The following DCLRE1B variants were observed in gnomAD, a reference collection of about 807,000 sequenced individuals.
DCLRE1B encodes the protein 5' exonuclease Apollo.
In DCLRE1B, 6 loss-of-function variants were observed where a neutral mutation model predicts 19.8. That is an observed-to-expected ratio of 0.30 (90% CI 0.17 to 0.60). The LOEUF is 0.60. Ranked by LOEUF, DCLRE1B falls within the 20% of genes least tolerant of loss-of-function variation. The pLI is 0.87. For missense variants in DCLRE1B, 622 were observed against 654.2 expected, an observed-to-expected ratio of 0.95 and a Z score of 0.54; for synonymous variants, 258 against 255.7, an observed-to-expected ratio of 1.01 and a Z score of -0.09.
rs1669246176 is a variant in DCLRE1B, at chr1:113,911,366, C to T, written c.774C>T (p.Ser258=). ...THPTIAILPT[S]RKIHSSHPDI... ...CTACGATTGCTATCCTTCCCACAAG[C>T]CGAAAAATCCACAGCTCCCACCCTG... The change falls in exon 4 of 4, where the codon AGC becomes AGT. Residue 258 remains serine (S), a synonymous_variant. Transcript: ENST00000650450. 1.2e-6 allele frequency: 2 copies of T among 1,614,024 alleles called. No homozygotes were observed. The highest frequency in any genetic ancestry group is 2.7e-5 in the African/African-American group (2 of 74,900).
intron 1 of DCLRE1B, among the ~76,000 whole-genome samples, chr1:113,906,350 GC>G (rs1344582312): frequency 6.6e-6 from 1 of 151,660 alleles, no homozygotes; most frequent in African/African-American, 2.4e-5. Flanking sequence ...GAGCCACCAC[GC>G]CCCGCCTAAA....
At chr1:113,908,571 A>G (rs1669130461) in intron 3 of DCLRE1B, among the ~76,000 whole-genome samples, 2 of 152,178 alleles carry the variant, frequency 1.3e-5, no homozygotes, top group Non-Finnish European at 2.9e-5. Context: ...TGTAAGTGCC[A>G]TTGCACTCCA....
intron 2 of DCLRE1B, 41 bp downstream of exon 2, chr1:113,907,202 ATGTTTTTTTTTT>A: frequency 4.9e-6 from 1 of 203,224 alleles, no homozygotes; most frequent in Non-Finnish European, 7.6e-6. Flanking sequence ...TCCAGACTAG[ATGTTTTTTTTTT>A]TTTTTTTTTT....
upstream of DCLRE1B, chr1:113,904,869 G>C (rs1462833349): frequency 1.4e-6 from 1 of 715,230 alleles, no homozygotes; most frequent in Non-Finnish European, 2.5e-6. Context: ...CGTAGGGCCG[G>C]CACGCTGGCC....
At chr1:113,908,423 C>G (rs1489016431) in intron 3 of DCLRE1B, among the ~76,000 whole-genome samples, 1 of 152,312 alleles carries the variant, frequency 6.6e-6, no homozygotes, top group East Asian at 1.9e-4. Flanking sequence ...GCTTGGGCAA[C>G]ATGGCAAGAC....
At position 113,911,219 on chromosome 1, in the gene DCLRE1B, G is replaced by T. The variant is rs574517415; in HGVS notation, c.627G>T (p.Glu209Asp). The change falls in exon 4 of 4, where the codon GAG (glutamate) becomes GAT (aspartate). Residue 209 changes from glutamate (E) to aspartate (D), a missense_variant. Physicochemically the swap from Glu to Asp is conservative, Grantham distance 45. This residue lies in a region of DCLRE1B where 382 missense variants were observed against 412.5 expected (regional missense o/e 0.93). Transcript: ENST00000650450. ...TWVVLSPRRL[E>D]LVQLLGLADV... ...TGGTATTGAGTCCTCGGCGCCTGGA[G>T]TTGGTACAGCTACTGGGCCTGGCAG... 6.2e-7 allele frequency: 1 copy of T among 1,614,204 alleles called. No individual in the cohort carries two copies. The highest frequency in any genetic ancestry group is 1.7e-5 in the Admixed American group (1 of 60,026).
chr1:113,908,295 A>G lies in DCLRE1B; in HGVS notation c.538+104A>G, dbSNP rs544132795. On this transcript the variant is annotated intron_variant, in intron 3 of 3. Coordinates refer to ENST00000650450, the MANE Select transcript of DCLRE1B (RefSeq NM_022836.4). ...CTTTGTGCAGTTCTCACTTTCTCCT[A>G]CACTGACCACCTTATTTAAAATTGC... The G allele has an allele frequency of 2.8e-6, 4 of 1,430,076 alleles. No individual in the cohort carries two copies. The African/African-American group carries it at 5.7e-5, about 20-fold the overall frequency. The allele number at this position is 1,430,076 out of a possible 1,614,324, so 88.6% of individuals were successfully genotyped here.
upstream of DCLRE1B, chr1:113,904,810 T>C (rs1381012932): frequency 3.7e-6 from 4 of 1,091,748 alleles, no homozygotes; most frequent in African/African-American, 4.6e-5. Context: ...AAAGGAAATA[T>C]GAGTCAGTGA....
rs920275152 is a variant in DCLRE1B at position 113,914,015 on chromosome 1, C to T, written c.*1824C>T. The T allele has an allele frequency of 1.3e-5, 2 of 152,120 alleles. No homozygotes were observed. Among genetic ancestry groups the T allele is most frequent in the African/African-American group, 4.8e-5 (2 of 41,416 alleles). The allele number at this position is 152,120 out of a possible 1,614,324, so 9.4% of individuals were successfully genotyped here. The stretch of plus-strand genomic sequence containing the variant: ...ATCATGTGAGTATACCTTAACTAAG[C>T]CATTCCCATATTCAACATTTTGTGT... On this transcript the variant is annotated 3_prime_UTR_variant, in exon 4 of 4. Transcript: ENST00000650450.
At position 113,911,408 on chromosome 1, in the gene DCLRE1B, T is replaced by C; in HGVS notation, c.816T>C (p.Pro272=). Residue 272 remains proline, a synonymous_variant, in exon 4 of 4, where the codon CCT becomes CCC. Coordinates refer to ENST00000650450, the MANE Select transcript of DCLRE1B (RefSeq NM_022836.4). ...CCCACCCTGATATCCACGTCATCCC[T>C]TACTCTGACCATTCCTCTTACTCCG... ...HSSHPDIHVI[P]YSDHSSYSEL... The C allele has an allele frequency of 6.2e-7, 1 of 1,614,198 alleles. No individual in the cohort carries two copies. Among genetic ancestry groups the C allele is most frequent in the Non-Finnish European group, 8.5e-7 (1 of 1,180,050 alleles).
rs752335775 is a variant in DCLRE1B at position 113,912,215 on chromosome 1, A to G, written c.*24A>G. 4.5e-6 allele frequency: 7 copies of G among 1,571,266 alleles called. No individual in the cohort carries two copies. Among genetic ancestry groups the G allele is most frequent in the East Asian group, 4.5e-5 (2 of 44,540 alleles). On this transcript the variant is annotated 3_prime_UTR_variant, in exon 4 of 4. Transcript: ENST00000650450. ...GAAGACAGGAGAGTACAGAATGACA[A>G]CATTGAGCCCACACTGCAGTTTTGA...
intron 1 of DCLRE1B, 45 bp from the exon 2 acceptor site, chr1:113,906,951 C>G (rs367765703): frequency 6.9e-6 from 11 of 1,605,676 alleles, no homozygotes; most frequent in Non-Finnish European, 4.3e-6. Flanking sequence ...GGGGAGGTAA[C>G]GGAGAGGAGT....
rs761278876 is a variant in DCLRE1B, at chr1:113,911,806, A to G, written c.1214A>G (p.Tyr405Cys). The part of the protein sequence containing the change: ...RIKKQLFPDL[Y>C]SKEWNKAVPF... ...AAGAAGCAGTTGTTCCCAGATCTCTATAGCAAAGAATGGAACAAGGCAGTG... is the reference window on the plus strand; with the variant it reads ...AAGAAGCAGTTGTTCCCAGATCTCTGTAGCAAAGAATGGAACAAGGCAGTG... The change falls in exon 4 of 4, where the codon TAT becomes TGT. Residue 405 changes from tyrosine (Y) to cysteine (C), a missense_variant. Tyr to Cys is a radical substitution (Grantham distance 194). This residue lies in a region of DCLRE1B where 382 missense variants were observed against 412.5 expected (regional missense o/e 0.93). Transcript: ENST00000650450. 15 of 1,614,248 alleles carry G rather than the reference A, an allele frequency of 9.3e-6. No homozygotes were observed. Among genetic ancestry groups the G allele is most frequent in the South Asian group, 6.6e-5 (6 of 91,090 alleles).
At chr1:113,904,620 A>C, upstream of DCLRE1B, 1 of 1,613,968 alleles carries the variant, frequency 6.2e-7, no homozygotes, top group Non-Finnish European at 8.5e-7. Flanking sequence ...CACTCGCTGG[A>C]TGACATTCCG....
rs200330629 is a variant in DCLRE1B, at chr1:113,911,324, T to C, written c.732T>C (p.Arg244=). Reference sequence around the variant, plus strand: ...AGATCTGCCATTCCAACATGCTGCGTTGGAACCAGACCCACCCTACGATTG... The same window carrying C: ...AGATCTGCCATTCCAACATGCTGCGCTGGAACCAGACCCACCCTACGATTG... ...HMEICHSNML[R]WNQTHPTIAI... is the part of the protein sequence containing the mutation. The change falls in exon 4 of 4, where the codon CGT becomes CGC. Residue 244 remains arginine, a synonymous_variant. Coordinates refer to ENST00000650450, the MANE Select transcript of DCLRE1B (RefSeq NM_022836.4). 102 of 1,614,158 alleles carry C rather than the reference T, an allele frequency of 6.3e-5. 1 individual carries two copies. In the Admixed American group the frequency reaches 1.2e-3, roughly 20 times the overall value.
chr1:113,909,802 G>A (rs28381076), intron 3 of DCLRE1B, among the ~76,000 whole-genome samples: 2 of 152,270 alleles, frequency 1.3e-5, no homozygotes, highest in East Asian at 3.9e-4. Flanking sequence ...TGACTTGGAG[G>A]GCTCACAGTC....
Position 113,907,234 on chromosome 1 carries a change from T to A in DCLRE1B, c.355+73T>A, listed in dbSNP as rs55868414. ...TTTTTTTTTTTTTTTTTTTTTTTTT[T>A]AATGTATAGACTGGGGCCTCGCAGT... On this transcript the variant is annotated intron_variant, in intron 2 of 3. Transcript: ENST00000650450. 0.069 allele frequency: 68,626 copies of A among 989,430 alleles called. 8,792 individuals are homozygous for A. The highest frequency in any genetic ancestry group is 0.08 in the Non-Finnish European group (59,071 of 735,084). 61.3% of individuals were successfully genotyped at this position (989,430 alleles called of 1,614,324 possible).
In DCLRE1B at chr1:113,911,165, G is replaced by A; in HGVS notation, c.573G>A (p.Glu191=). 1.2e-6 allele frequency: 2 copies of A among 1,614,176 alleles called. No individual in the cohort carries two copies. Among genetic ancestry groups the A allele is most frequent in the Non-Finnish European group, 1.7e-6 (2 of 1,180,024 alleles). Residue 191 remains glutamate, a synonymous_variant, in exon 4 of 4, where the codon GAG becomes GAA. Coordinates refer to ENST00000650450, the MANE Select transcript of DCLRE1B (RefSeq NM_022836.4). The stretch of plus-strand genomic sequence containing the variant: ...GCCTGGGAAAGGAATCACTGCTGGA[G>A]CAGCTGGCCCTGGAGTTTCAGACCT... ...LYSLGKESLL[E]QLALEFQTWV...
Position 113,905,518 on chromosome 1 carries a change from T to C in DCLRE1B, c.-69T>C. 6.6e-7 allele frequency: 1 copy of C among 1,524,336 alleles called. No homozygotes were observed. Among genetic ancestry groups the C allele is most frequent in the East Asian group, 2.3e-5 (1 of 44,082 alleles). The allele number at this position is 1,524,336 out of a possible 1,614,324, so 94.4% of individuals were successfully genotyped here. ...AGCATGACTTTTATCGGGACGCCGT[T>C]GTGGAAGCCTCACGCAGGAGCCCTG... On this transcript the variant is annotated 5_prime_UTR_variant, in exon 1 of 4. Coordinates refer to ENST00000650450, the MANE Select transcript of DCLRE1B (RefSeq NM_022836.4).
Sources: gnomAD v4.1 joint callset for allele counts (sites outside exome capture counted in the v4.1 genomes callset) on GRCh38, gnomAD v4.1.1 for gene constraint, gnomAD v4.1.1 regional missense constraint, MANE v1.5 for transcripts, NCBI Gene and HGNC (gene_info 2026-07-23, HGNC 2026-07-21) for gene names.